Variants in CROCC observed in about 807,000 individuals in gnomAD.
CROCC encodes the protein rootletin.
Under a neutral mutation model 245.2 loss-of-function variants are expected in CROCC, and 180 were observed. The observed-to-expected ratio is 0.73, with a 90% CI of 0.65 to 0.83. The LOEUF (loss-of-function observed/expected upper bound fraction) is 0.83, where lower values mean the gene tolerates loss of function less well. CROCC is among the 40% of genes least tolerant of loss of function. The pLI is 0.00. For missense variants in CROCC, 2,688 were observed against 2,779.4 expected, an observed-to-expected ratio of 0.97 and a Z score of 0.74; for synonymous variants, 1,205 against 1,241.6, an observed-to-expected ratio of 0.97 and a Z score of 0.62.
intron 25 of CROCC, among the ~76,000 whole-genome samples, chr1:16,956,626 C>T (rs1165843801): frequency 6.6e-6 from 1 of 151,612 alleles, no homozygotes; most frequent in Non-Finnish European, 1.5e-5. Flanking sequence ...TCCAGTAAAA[C>T]TTTGTTTAGG....
Position 16,922,807 on chromosome 1 carries a change from C to G in CROCC, c.196+9C>G. 2 of 1,608,700 alleles carry G rather than the reference C, an allele frequency of 1.2e-6. No individual in the cohort carries two copies. Among genetic ancestry groups the G allele is most frequent in the Non-Finnish European group, 1.7e-6 (2 of 1,178,092 alleles). ...CCAGCCTGAGAGCCCAGGTGCCACC[C>G]CCATCCGCTCCCCTCCACAAACACC... On this transcript the variant is annotated intron_variant, in intron 2 of 36. Transcript: ENST00000375541.
At chr1:16,938,298 C>T (rs7515732) in intron 10 of CROCC, 102 bp from the exon 11 acceptor site, 62,777 of 1,108,202 alleles carry the variant, frequency 0.057, 2 homozygotes, top group African/African-American at 0.15. Flanking sequence ...GACATGGCTT[C>T]AGAGGCCACC....
intron 31 of CROCC, 54 bp downstream of exon 31, chr1:16,968,472 C>A: frequency 2.8e-6 from 4 of 1,431,214 alleles, no homozygotes; most frequent in Non-Finnish European, 3.7e-6. Flanking sequence ...GTGCCAAGAG[C>A]TTTGTAGGCA....
chr1:16,938,857 C>G, intron 11 of CROCC, 52 bp from the exon 12 acceptor site: 1 of 1,554,714 alleles, frequency 6.4e-7, no homozygotes, highest in Non-Finnish European at 8.8e-7. Flanking sequence ...CCCAGCTAAC[C>G]CCGCGGTTCC....
At chr1:16,955,160 C>G in intron 23 of CROCC, 152 bp from the exon 24 acceptor site, 1 of 780,484 alleles carries the variant, frequency 1.3e-6, no homozygotes, top group African/African-American at 1.7e-5. Context: ...CTGATTACAG[C>G]ACGCCTTGCT....
At chr1:16,957,436 A>G (rs1368462875) in intron 25 of CROCC, among the ~76,000 whole-genome samples, 5 of 151,988 alleles carry the variant, frequency 3.3e-5, no homozygotes, top group Non-Finnish European at 7.4e-5. Context: ...TTTAATTTTT[A>G]TTTTATTTAT....
intron 27 of CROCC, 138 bp downstream of exon 27, chr1:16,961,268 C>T (rs1201508769): frequency 1.2e-6 from 1 of 858,422 alleles, no homozygotes; most frequent in Non-Finnish European, 1.5e-6. Context: ...CTGAGGTCCA[C>T]TTCTTAGCCC....
intron 3 of CROCC, among the ~76,000 whole-genome samples, chr1:16,928,512 T>C (rs1363011841): frequency 6.6e-6 from 1 of 151,864 alleles, no homozygotes; most frequent in South Asian, 2.1e-4. Flanking sequence ...TTTTTTAAGA[T>C]GGAGTCTTGG....
Position 16,968,296 on chromosome 1 carries a change from G to A in CROCC, c.4954G>A (p.Val1652Ile), listed in dbSNP as rs1309967817. 9 of 1,553,458 alleles carry A rather than the reference G, an allele frequency of 5.8e-6. No homozygotes were observed. Among genetic ancestry groups the A allele is most frequent in the Non-Finnish European group, 7.8e-6 (9 of 1,149,464 alleles). The change falls in exon 31 of 37, where the codon GTC becomes ATC. Residue 1652 changes from valine (V) to isoleucine (I), a missense_variant. Around this residue, in one of 9 missense-constraint regions of CROCC, gnomAD observed 1,218 missense variants for 1,286.3 expected, o/e 0.95. Transcript: ENST00000375541. ...TCTGGACGCCTCCGAGAGCCGCACT[G>A]TCAAGCTGGAGCTGCAGCGGCGCTC... Reference protein sequence around the residue: ...EVLDASESRTVKLELQRRSLE... With the variant: ...EVLDASESRTIKLELQRRSLE...
intron 11 of CROCC, 149 bp downstream of exon 11, chr1:16,938,632 CA>C (rs1323703270): frequency 2.6e-5 from 23 of 888,624 alleles, no homozygotes; most frequent in Middle Eastern, 3.4e-4. Flanking sequence ...CTAGCTCACC[CA>C]GCCTCTGCCT....
At position 16,972,489 on chromosome 1, in the gene CROCC, G is replaced by A. The variant is rs199842653; in HGVS notation, c.*43G>A. 6 of 1,462,748 alleles carry A rather than the reference G, an allele frequency of 4.1e-6. No individual in the cohort carries two copies. Among genetic ancestry groups the A allele is most frequent in the Non-Finnish European group, 5.6e-6 (6 of 1,071,080 alleles). The allele number at this position is 1,462,748 out of a possible 1,614,324, so 90.6% of individuals were successfully genotyped here. ...GAGAACACCCCTGTGCCTGGGACAG[G>A]GGAGGACCCTTCTTTTGGACAGCCC... On this transcript the variant is annotated 3_prime_UTR_variant, in exon 37 of 37. Transcript: ENST00000375541.
chr1:16,946,905 G>GTGGC lies in CROCC; in HGVS notation c.2429_2432dup (p.Glu812GlyfsTer18), dbSNP rs1272010565. ...GCAGGGCCTGGAGGGCTCCCTACGAGTGGCGGAGCAGGCCCAGGAGGCATT... is the reference window on the plus strand; with the variant it reads ...GCAGGGCCTGGAGGGCTCCCTACGAGTGGCTGGCGGAGCAGGCCCAGGAGGCATT... On this transcript the variant is annotated frameshift_variant, in exon 17 of 37. Transcript: ENST00000375541. LOFTEE classifies it high-confidence loss of function. The GTGGC allele has an allele frequency of 2.6e-6, 4 of 1,564,242 alleles. No homozygotes were observed. In the South Asian group the frequency reaches 4.7e-5, roughly 18 times the overall value.
chr1:16,917,648 CACTT>C (rs2075323778), upstream of CROCC, among the ~76,000 whole-genome samples: 1 of 129,462 alleles, frequency 7.7e-6, no homozygotes, highest in Non-Finnish European at 1.7e-5. Context: ...TAATAGCCAA[CACTT>C]ACCCGCTGTT....
At chr1:16,933,890 ATTTG>A (rs1159031222) in intron 8 of CROCC, among the ~76,000 whole-genome samples, 1 of 152,266 alleles carries the variant, frequency 6.6e-6, no homozygotes, top group African/African-American at 2.4e-5. Flanking sequence ...CTTTTAACTT[ATTTG>A]TTCAGGAAAC....
chr1:16,947,895 G>A (rs185393745), intron 17 of CROCC, among the ~76,000 whole-genome samples: 3 of 152,228 alleles, frequency 2.0e-5, no homozygotes, highest in Admixed American at 1.3e-4. Flanking sequence ...CTGGAATGCA[G>A]TGGCACGATC....
chr1:16,934,453 C>T (rs144869920), intron 8 of CROCC, among the ~76,000 whole-genome samples: 34 of 152,378 alleles, frequency 2.2e-4, no homozygotes, highest in African/African-American at 7.5e-4. Context: ...GTGTGCACCA[C>T]TATATCTAGC....
chr1:16,969,044 G>A, intron 31 of CROCC, 72 bp from the exon 32 acceptor site: 2 of 1,411,444 alleles, frequency 1.4e-6, no homozygotes, highest in African/African-American at 1.4e-5. Context: ...GCCAGGTGGA[G>A]GTCACAGTGG....
chr1:16,957,111 A>C (rs1401040640), intron 25 of CROCC, among the ~76,000 whole-genome samples: 2 of 152,166 alleles, frequency 1.3e-5, no homozygotes, highest in East Asian at 3.9e-4. Flanking sequence ...GTCTCTACTA[A>C]AAATACGAAA....
rs777888418 is a variant in CROCC, at chr1:16,936,767, C to T, written c.1087C>T (p.Leu363=). The change falls in exon 9 of 37, where the codon CTG becomes TTG. Residue 363 remains leucine, a synonymous_variant. Transcript: ENST00000375541. ...GGCAGCCCTGGAGAAACAGGCCCTG[C>T]TGCAGGCCCAGCTGGAGGAGCAGCT... ...AEAALEKQAL[L]QAQLEEQLRD... 8 of 1,611,392 alleles carry T rather than the reference C, an allele frequency of 5.0e-6. No homozygotes were observed. The highest frequency in any genetic ancestry group is 1.9e-4 in the Middle Eastern group (1 of 5,250).
Sources: gnomAD v4.1 joint callset for allele counts (sites outside exome capture counted in the v4.1 genomes callset) on GRCh38, gnomAD v4.1.1 for gene constraint, gnomAD v4.1.1 regional missense constraint, MANE v1.5 for transcripts, NCBI Gene and HGNC (gene_info 2026-07-23, HGNC 2026-07-21) for gene names.